Variants in FHIT observed in about 807,000 individuals in gnomAD.
FHIT encodes the protein bis(5'-adenosyl)-triphosphatase.
In FHIT, 19 loss-of-function variants were observed where a neutral mutation model predicts 17.9. The observed-to-expected ratio is 1.06, with a 90% CI of 0.74 to 1.56. The LOEUF is 1.56. Among genes scored for constraint, FHIT ranks in the 40% most tolerant of loss-of-function variants. FHIT has a pLI of 0.00. For synonymous variants in FHIT, 81 were observed against 69.7 expected, an observed-to-expected ratio of 1.16 and a Z score of -0.81; for missense variants, 248 against 189.2, an observed-to-expected ratio of 1.31 and a Z score of -1.82.
chr3:59,956,009 A>G (rs1707375744), intron 7 of FHIT, among the ~76,000 whole-genome samples: 1 of 152,132 alleles, frequency 6.6e-6, no homozygotes, highest in African/African-American at 2.4e-5. Context: ...AACCTGAAAT[A>G]CTTCTTCAAA....
In FHIT at chr3:60,664,500, T is replaced by A. The variant is rs906974766; in HGVS notation, c.-17-127521A>T. On this transcript the variant is annotated intron_variant, in intron 4 of 9. Coordinates refer to ENST00000492590, the MANE Select transcript of FHIT (RefSeq NM_002012.4). ...GTTTTGGTATCAGGGTAATAATGAGTTGAAAAGTGTTCCTGCCTCTTCTAT... is the reference window on the plus strand; with the variant it reads ...GTTTTGGTATCAGGGTAATAATGAGATGAAAAGTGTTCCTGCCTCTTCTAT... Among the ~76,000 whole-genome samples the A allele has an allele frequency of 2.6e-5, 4 of 152,138 alleles. No individual in the cohort carries two copies. The East Asian group carries it at 7.7e-4, about 29-fold the overall frequency.
chr3:60,959,801 C>CT (rs1246211795), intron 3 of FHIT, among the ~76,000 whole-genome samples: 2,400 of 119,706 alleles, frequency 0.02, 41 homozygotes, highest in African/African-American at 0.053. Flanking sequence ...GAGGCTTTTT[C>CT]TTTTTTTTTT....
At chr3:59,814,240 C>T (rs765624070) in intron 8 of FHIT, among the ~76,000 whole-genome samples, 7 of 152,106 alleles carry the variant, frequency 4.6e-5, no homozygotes, top group South Asian at 4.1e-4. Flanking sequence ...GAAAATGCTC[C>T]GCGTCTGTGG....
intron 5 of FHIT, among the ~76,000 whole-genome samples, chr3:60,342,872 T>C (rs2106908300): frequency 6.6e-6 from 1 of 152,256 alleles, no homozygotes; most frequent in Middle Eastern, 3.4e-3. Context: ...TCATAGAGGA[T>C]CTCTCATCCA....
At chr3:60,211,786 T>A (rs9857010) in intron 5 of FHIT, among the ~76,000 whole-genome samples, 2 of 152,048 alleles carry the variant, frequency 1.3e-5, no homozygotes, top group East Asian at 1.9e-4. Flanking sequence ...TAAGGCATTC[T>A]GACTGGGGAA....
At chr3:59,924,160 T>C in intron 7 of FHIT, among the ~76,000 whole-genome samples, 1 of 152,164 alleles carries the variant, frequency 6.6e-6, no homozygotes, top group Admixed American at 6.5e-5. Context: ...TGGGCTGACT[T>C]AAAAGCAAAA....
At chr3:59,819,225 T>A (rs2106646776) in intron 8 of FHIT, among the ~76,000 whole-genome samples, 1 of 152,320 alleles carries the variant, frequency 6.6e-6, no homozygotes, top group Admixed American at 6.5e-5. Flanking sequence ...TTGCTCACAT[T>A]TAACTGTGGA....
At chr3:59,963,437 T>G (rs1468123247) in intron 7 of FHIT, among the ~76,000 whole-genome samples, 2 of 152,062 alleles carry the variant, frequency 1.3e-5, no homozygotes, top group African/African-American at 2.4e-5. Flanking sequence ...ATTATTCACT[T>G]GTTTTTTATT....
intron 5 of FHIT, among the ~76,000 whole-genome samples, chr3:60,528,254 C>T (rs1465736388): frequency 6.6e-6 from 1 of 152,138 alleles, no homozygotes; most frequent in African/African-American, 2.4e-5. Flanking sequence ...TACAGGTGTG[C>T]ACCACTGTGC....
Position 60,931,672 on chromosome 3 carries a change from A to G in FHIT, c.-110-109661T>C, listed in dbSNP as rs9837018. On this transcript the variant is annotated intron_variant, in intron 3 of 9. Transcript: ENST00000492590. The stretch of plus-strand genomic sequence containing the variant: ...CCTGTAAAAGTCCCTGATTTACAGA[A>G]GTATTTACTTTAGGGTATGGAGTTT... Among the ~76,000 whole-genome samples, 1,001 of 152,308 alleles carry G rather than the reference A, an allele frequency of 6.6e-3. 13 individuals are homozygous for G. Among genetic ancestry groups the G allele is most frequent in the Middle Eastern group, 0.027 (8 of 294 alleles).
chr3:59,962,126 C>T (rs997862984), intron 7 of FHIT, among the ~76,000 whole-genome samples: 1 of 152,124 alleles, frequency 6.6e-6, no homozygotes, highest in African/African-American at 2.4e-5. Flanking sequence ...ACATTTAATT[C>T]GCCAGTCCTG....
At chr3:61,062,550 G>A (rs144403667) in intron 2 of FHIT, among the ~76,000 whole-genome samples, 191 of 152,248 alleles carry the variant, frequency 1.3e-3, no homozygotes, top group African/African-American at 4.1e-3. Flanking sequence ...TAAAAAAAGA[G>A]TTTTTGGTAT....
chr3:60,061,745 C>G (rs759799253), intron 5 of FHIT, among the ~76,000 whole-genome samples: 1 of 152,074 alleles, frequency 6.6e-6, no homozygotes, highest in Non-Finnish European at 1.5e-5. Context: ...TTATTCAGAT[C>G]GGATGCTAGG....
chr3:61,159,303 G>T (rs2037621405), intron 2 of FHIT, among the ~76,000 whole-genome samples: 1 of 152,154 alleles, frequency 6.6e-6, no homozygotes, highest in African/African-American at 2.4e-5. Context: ...TATGTTAGGT[G>T]TGCGTTTGAT....
intron 5 of FHIT, among the ~76,000 whole-genome samples, chr3:60,500,712 G>T (rs2107522822): frequency 7.0e-6 from 1 of 143,394 alleles, no homozygotes; most frequent in African/African-American, 2.6e-5. Flanking sequence ...GGCAGAGGTT[G>T]CAGTGAGCCA....
chr3:60,095,782 T>C (rs1476278315), intron 5 of FHIT, among the ~76,000 whole-genome samples: 2 of 152,226 alleles, frequency 1.3e-5, no homozygotes, highest in Admixed American at 6.5e-5. Flanking sequence ...AGGACCATTC[T>C]AGTTGGCCTA....
intron 5 of FHIT, among the ~76,000 whole-genome samples, chr3:60,492,231 T>A (rs2034096389): frequency 6.6e-6 from 1 of 152,228 alleles, no homozygotes; most frequent in African/African-American, 2.4e-5. Context: ...ACAGGCAACA[T>A]AACTGCAAGA....
chr3:60,636,811 G>A (rs532406546), intron 4 of FHIT, among the ~76,000 whole-genome samples: 14 of 152,092 alleles, frequency 9.2e-5, no homozygotes, highest in Non-Finnish European at 1.9e-4. Context: ...GTTTTCTCTT[G>A]GTCTTTTATT....
intron 4 of FHIT, among the ~76,000 whole-genome samples, chr3:60,773,228 C>T (rs1261874139): frequency 3.3e-5 from 5 of 152,158 alleles, no homozygotes; most frequent in African/African-American, 9.7e-5. Flanking sequence ...ACGATCTGCA[C>T]AATCATGGTC....
Sources: allele counts gnomAD v4.1 joint callset (sites outside exome capture counted in the v4.1 genomes callset), GRCh38; gene constraint gnomAD v4.1.1; transcripts MANE v1.5; gene names NCBI Gene and HGNC (gene_info 2026-07-23, HGNC 2026-07-21).